Variants in CDH13 observed in about 807,000 individuals in gnomAD.
The protein encoded by CDH13 is cadherin-13.
In CDH13, 24 loss-of-function variants were observed where a neutral mutation model predicts 63.8. The observed-to-expected ratio is 0.38, with a 90% CI of 0.27 to 0.53. CDH13 has a LOEUF of 0.53. Among genes scored for constraint, CDH13 ranks in the 20% least tolerant of loss-of-function variants. The probability of loss-of-function intolerance (pLI) is 0.85; values close to 1 mark genes in which losing one functional copy is unlikely to be tolerated. For missense variants in CDH13, 1,049 were observed against 903.1 expected (o/e 1.16, Z -2.07); for synonymous variants, 503 against 355.3 (o/e 1.42, Z -4.67).
intron 1 of CDH13, among the ~76,000 whole-genome samples, chr16:82,661,920 T>C (rs1911995136): frequency 6.6e-6 from 1 of 152,244 alleles, no homozygotes; most frequent in South Asian, 2.1e-4. Context: ...TACATGTGAC[T>C]GTTTACATTT....
At chr16:82,808,518 G>A (rs556206752) in intron 1 of CDH13, among the ~76,000 whole-genome samples, 10 of 152,276 alleles carry the variant, frequency 6.6e-5, no homozygotes, top group Admixed American at 2.6e-4. Context: ...AACAGAGCTC[G>A]TGAACACACA....
chr16:83,007,260 T>C (rs1172167995), intron 2 of CDH13, among the ~76,000 whole-genome samples: 1 of 152,226 alleles, frequency 6.6e-6, no homozygotes, highest in African/African-American at 2.4e-5. Context: ...GTTATGTTCA[T>C]TGACACATTA....
intron 8 of CDH13, among the ~76,000 whole-genome samples, chr16:83,632,369 CT>C (rs780931887): frequency 1.4e-4 from 22 of 152,148 alleles, no homozygotes; most frequent in Non-Finnish European, 2.4e-4. Flanking sequence ...TGCTTTGGGC[CT>C]CAGTGTCCTC....
chr16:83,134,099 C>T (rs1217684128), intron 4 of CDH13, among the ~76,000 whole-genome samples: 14 of 152,154 alleles, frequency 9.2e-5, no homozygotes, highest in Admixed American at 9.2e-4. Context: ...TGGATATTTC[C>T]AGCAAATTTT....
In CDH13 at chr16:82,961,997, C is replaced by T. The variant is rs140680527; in HGVS notation, c.158-70013C>T. Among the ~76,000 whole-genome samples the T allele has an allele frequency of 9.9e-5, 15 of 152,226 alleles. No homozygotes were observed. The Middle Eastern group carries it at 0.017, about 173-fold the overall frequency. On this transcript the variant is annotated intron_variant, in intron 2 of 13. Transcript: ENST00000567109. ...TGGATGCCATGGGAAACACCAGTTA[C>T]CTGGATGTAAATCCATGGTAAAATA...
At chr16:83,527,948 T>C (rs182837969) in intron 7 of CDH13, among the ~76,000 whole-genome samples, 1 of 152,328 alleles carries the variant, frequency 6.6e-6, no homozygotes, top group Non-Finnish European at 1.5e-5. Context: ...AGAGGAAATA[T>C]TAGAGATCTT....
intron 2 of CDH13, among the ~76,000 whole-genome samples, chr16:82,868,163 G>T (rs1173881786): frequency 6.6e-6 from 1 of 152,192 alleles, no homozygotes; most frequent in Non-Finnish European, 1.5e-5. Flanking sequence ...GTTTTAATCT[G>T]TTGCGATGTG....
At chr16:83,191,540 T>C (rs867587579) in intron 4 of CDH13, among the ~76,000 whole-genome samples, 9,511 of 131,048 alleles carry the variant, frequency 0.073, 463 homozygotes, top group Non-Finnish European at 0.087. Context: ...CATATATATA[T>C]ATATATATAT....
chr16:83,107,893 C>G (rs1474989643), intron 3 of CDH13, among the ~76,000 whole-genome samples: 1 of 150,742 alleles, frequency 6.6e-6, no homozygotes, highest in Non-Finnish European at 1.5e-5. Flanking sequence ...GATCTCGGCT[C>G]ACTGCAACAT....
At chr16:83,228,753 G>T (rs989647895) in intron 5 of CDH13, among the ~76,000 whole-genome samples, 1 of 152,182 alleles carries the variant, frequency 6.6e-6, no homozygotes, top group African/African-American at 2.4e-5. Context: ...GGTGGGACTC[G>T]CATGCTAAGG....
intron 2 of CDH13, among the ~76,000 whole-genome samples, chr16:82,929,435 G>T (rs2042406930): frequency 6.6e-6 from 1 of 151,718 alleles, no homozygotes; most frequent in Non-Finnish European, 1.5e-5. Flanking sequence ...AAGGTCAGGA[G>T]ATCGAGACCA....
intron 5 of CDH13, among the ~76,000 whole-genome samples, chr16:83,256,350 A>C (rs1330654640): frequency 6.6e-6 from 1 of 152,120 alleles, no homozygotes; most frequent in East Asian, 1.9e-4. Context: ...GATTTTTTAA[A>C]AATAAGTAAA....
At chr16:83,544,825 G>A (rs2075356127) in intron 7 of CDH13, among the ~76,000 whole-genome samples, 1 of 152,116 alleles carries the variant, frequency 6.6e-6, no homozygotes, top group Admixed American at 6.5e-5. Context: ...AGTTCAAAGG[G>A]TATCTACTAG....
intron 6 of CDH13, among the ~76,000 whole-genome samples, chr16:83,446,350 C>G (rs918262237): frequency 1.3e-3 from 191 of 151,470 alleles, no homozygotes; most frequent in African/African-American, 4.4e-3. Context: ...TAGAAAGTAC[C>G]TTCACTAGAT....
intron 7 of CDH13, among the ~76,000 whole-genome samples, chr16:83,591,358 T>C (rs776123991): frequency 3.3e-5 from 5 of 152,222 alleles, no homozygotes; most frequent in African/African-American, 7.2e-5. Flanking sequence ...TACTTTTTAT[T>C]TTACTTCAGT....
intron 2 of CDH13, among the ~76,000 whole-genome samples, chr16:82,961,895 C>T (rs964780325): frequency 1.3e-5 from 2 of 152,158 alleles, no homozygotes; most frequent in African/African-American, 4.8e-5. Flanking sequence ...TCCTACAATG[C>T]ACTAGACAAC....
chr16:83,259,840 C>T (rs1906744993), intron 5 of CDH13, among the ~76,000 whole-genome samples: 1 of 152,096 alleles, frequency 6.6e-6, no homozygotes, highest in Admixed American at 6.5e-5. Flanking sequence ...GCACCATGAA[C>T]CACAGCACCC....
intron 1 of CDH13, among the ~76,000 whole-genome samples, chr16:82,786,287 A>C (rs1214522599): frequency 6.6e-6 from 1 of 151,992 alleles, no homozygotes; most frequent in Non-Finnish European, 1.5e-5. Context: ...TTTTTTTTTT[A>C]AATCTTAAAA....
intron 6 of CDH13, among the ~76,000 whole-genome samples, chr16:83,377,330 C>T (rs2151410438): frequency 6.6e-6 from 1 of 152,298 alleles, no homozygotes; most frequent in South Asian, 2.1e-4. Flanking sequence ...ATCTGGCCCA[C>T]ACCCAGCCCC....
Sources: gnomAD v4.1 joint callset for allele counts (sites outside exome capture counted in the v4.1 genomes callset) on GRCh38, gnomAD v4.1.1 for gene constraint, MANE v1.5 for transcripts, NCBI Gene and HGNC (gene_info 2026-07-23, HGNC 2026-07-21) for gene names.